Variants in XPA observed in about 807,000 individuals in gnomAD.
The protein encoded by XPA is DNA repair protein complementing XP-A cells.
A neutral mutation model predicts 35.7 loss-of-function variants in XPA; 27 were observed. The observed-to-expected ratio is 0.76, with a 90% CI of 0.56 to 1.04. The LOEUF is 1.04. Ranked by LOEUF, XPA falls within the 50% of genes least tolerant of loss-of-function variation. The probability of loss-of-function intolerance (pLI) is 0.00; values close to 1 mark genes in which losing one functional copy is unlikely to be tolerated. For synonymous variants in XPA, 133 were observed against 118.4 expected (o/e 1.12, Z -0.80); for missense variants, 354 against 342.7 (o/e 1.03, Z -0.26).
At chr9:97,691,888 T>TAA (rs1437063647) in intron 2 of XPA, among the ~76,000 whole-genome samples, 169 of 17,010 alleles carry the variant, frequency 9.9e-3, no homozygotes, top group Admixed American at 0.018. Context: ...TCTAAATAAA[T>TAA]ATATATATAT....
intron 5 of XPA, among the ~76,000 whole-genome samples, chr9:97,682,611 G>A (rs1037509890): frequency 5.9e-5 from 9 of 152,028 alleles, no homozygotes; most frequent in African/African-American, 1.9e-4. Flanking sequence ...TAACCACTTT[G>A]GAAAATGTCC....
chr9:97,658,627 A>T, the XPA span: 3 of 1,572,278 alleles, frequency 1.9e-6, no homozygotes, highest in South Asian at 2.2e-5. Context: ...TGAGGCTGTT[A>T]TTTGTATTGT....
downstream of XPA, among the ~76,000 whole-genome samples, chr9:97,674,744 G>C (rs1389963965): frequency 1.3e-5 from 2 of 152,204 alleles, no homozygotes; most frequent in Non-Finnish European, 2.9e-5. Flanking sequence ...TAAATGCTCA[G>C]TAAATGTTAG....
chr9:97,688,953 C>G (rs1365984519), intron 3 of XPA, among the ~76,000 whole-genome samples: 1 of 151,906 alleles, frequency 6.6e-6, no homozygotes, highest in South Asian at 2.1e-4. Context: ...CAGCATTTGG[C>G]TGAGTAAACA....
the XPA span, chr9:97,656,099 G>GT: frequency 6.2e-7 from 1 of 1,601,650 alleles, no homozygotes; most frequent in Non-Finnish European, 8.6e-7. Flanking sequence ...AGTTTTTTGT[G>GT]TTTTCTCCTT....
the XPA span, chr9:97,669,003 A>G: frequency 1.3e-6 from 2 of 1,568,264 alleles, no homozygotes; most frequent in Non-Finnish European, 8.7e-7. Flanking sequence ...TTTATACATA[A>G]AAGGAAACAA....
chr9:97,668,694 A>C, the XPA span: 2 of 715,084 alleles, frequency 2.8e-6, no homozygotes, highest in Non-Finnish European at 4.3e-6. Context: ...ACTTTGAGGT[A>C]TATATGTGTG....
At chr9:97,662,815 C>G in the XPA span, 1 of 613,782 alleles carries the variant, frequency 1.6e-6, no homozygotes, top group Non-Finnish European at 2.7e-6. Flanking sequence ...ACACTTTTTG[C>G]ATCCTTAATG....
rs144299619 is a variant in XPA at position 97,683,995 on chromosome 9, C to T, written c.673+928G>A. ...GTATGTGTTATCTCTACACACTGTACACTACAATGGGACTCTGCATAATTA... is the reference window on the plus strand; with the variant it reads ...GTATGTGTTATCTCTACACACTGTATACTACAATGGGACTCTGCATAATTA... On this transcript the variant is annotated intron_variant, in intron 5 of 5. Transcript: ENST00000375128. Among the ~76,000 whole-genome samples the T allele has an allele frequency of 2.4e-4, 36 of 152,262 alleles. No individual in the cohort carries two copies. The East Asian group carries it at 6.9e-3, about 29-fold the overall frequency.
the XPA span, among the ~76,000 whole-genome samples, chr9:97,666,499 C>T: frequency 2.6e-5 from 4 of 152,154 alleles, no homozygotes; most frequent in African/African-American, 9.7e-5. Flanking sequence ...GTATGTACCT[C>T]TGGTAAGGGA....
intron 4 of XPA, among the ~76,000 whole-genome samples, chr9:97,686,229 A>G (rs1201444196): frequency 6.6e-6 from 1 of 152,232 alleles, no homozygotes; most frequent in Non-Finnish European, 1.5e-5. Flanking sequence ...AGCTAACAGC[A>G]CAAAAAGAAT....
chr9:97,666,683 T>C, the XPA span: 3 of 924,408 alleles, frequency 3.2e-6, no homozygotes, highest in East Asian at 5.3e-5. Context: ...CTGTTAAGAA[T>C]GAAATTACAA....
At chr9:97,685,974 A>G (rs1828705813) in intron 4 of XPA, among the ~76,000 whole-genome samples, 1 of 152,190 alleles carries the variant, frequency 6.6e-6, no homozygotes, top group Non-Finnish European at 1.5e-5. Context: ...GCACTATTTC[A>G]CCAAGTATAA....
At chr9:97,693,481 TG>T (rs1202289346) in intron 2 of XPA, among the ~76,000 whole-genome samples, 167 bp downstream of exon 2, 2 of 152,218 alleles carry the variant, frequency 1.3e-5, no homozygotes, top group Non-Finnish European at 2.9e-5. Flanking sequence ...TTTCTTTGAT[TG>T]TTTTTTTAAT....
intron 5 of XPA, among the ~76,000 whole-genome samples, chr9:97,681,435 T>G (rs1828535352): frequency 6.6e-6 from 1 of 152,124 alleles, no homozygotes; most frequent in Non-Finnish European, 1.5e-5. Context: ...GTCATAAATA[T>G]AACCACAGGC....
intron 3 of XPA, among the ~76,000 whole-genome samples, chr9:97,688,270 C>T (rs1828780482): frequency 6.6e-6 from 1 of 152,170 alleles, no homozygotes; most frequent in Non-Finnish European, 1.5e-5. Flanking sequence ...ACCTGCATTC[C>T]TGAACACGAC....
chr9:97,665,160 C>G, the XPA span, among the ~76,000 whole-genome samples: 1 of 152,194 alleles, frequency 6.6e-6, no homozygotes, highest in African/African-American at 2.4e-5. Context: ...CCAGAGGACA[C>G]TGATCAGAAA....
intron 1 of XPA, among the ~76,000 whole-genome samples, chr9:97,696,887 G>C (rs1829058762): frequency 6.6e-6 from 1 of 152,238 alleles, no homozygotes; most frequent in Non-Finnish European, 1.5e-5. Flanking sequence ...AGAAGGCCCG[G>C]GGCTGGGGGT....
intron 1 of XPA, among the ~76,000 whole-genome samples, 199 bp from the exon 2 acceptor site, chr9:97,693,958 G>A (rs1182823162): frequency 6.6e-6 from 1 of 152,178 alleles, no homozygotes. Flanking sequence ...CATAAAGGAT[G>A]AAAAGAAAGA....
Sources: gnomAD v4.1 joint callset for allele counts (sites outside exome capture counted in the v4.1 genomes callset) on GRCh38, gnomAD v4.1.1 for gene constraint, MANE v1.5 for transcripts, NCBI Gene and HGNC (gene_info 2026-07-23, HGNC 2026-07-21) for gene names.